Variants in CREB1 observed in about 807,000 individuals in gnomAD.
CREB1 encodes the protein cAMP responsive element binding protein 1.
In CREB1, 2 loss-of-function variants were observed where a neutral mutation model predicts 42.0. That is an observed-to-expected ratio of 0.05 (90% CI 0.02 to 0.15). The LOEUF is 0.15. Ranked by LOEUF, CREB1 falls within the 10% of genes least tolerant of loss-of-function variation. The pLI, the probability that CREB1 is intolerant of heterozygous loss-of-function variation, is 1.00. For synonymous variants in CREB1, 123 were observed against 139.9 expected, an observed-to-expected ratio of 0.88 and a Z score of 0.85; for missense variants, 199 against 388.9, an observed-to-expected ratio of 0.51 and a Z score of 4.11.
chr2:207,599,874 A>G lies in CREB1; in HGVS notation c.*2816A>G. On this transcript the variant is annotated 3_prime_UTR_variant, in exon 8 of 8. Coordinates refer to ENST00000353267, the MANE Select transcript of CREB1 (RefSeq NM_004379.5). Reference sequence around the variant, plus strand: ...CAAAAGGGAATAAAAATGTCATCATAGGAATTTGTACATATGCTACTGATT... The same window carrying G: ...CAAAAGGGAATAAAAATGTCATCATGGGAATTTGTACATATGCTACTGATT... 1 of 195,584 alleles carries G rather than the reference A, an allele frequency of 5.1e-6. No homozygotes were observed. The allele number at this position is 195,584 out of a possible 1,614,324, so 12.1% of individuals were successfully genotyped here. A position where few individuals can be genotyped will look rare whatever the true frequency, so the allele number is the denominator to read the frequency against.
At chr2:207,560,554 C>T (rs2081916730) in intron 3 of CREB1, among the ~76,000 whole-genome samples, 182 bp downstream of exon 3, 1 of 151,922 alleles carries the variant, frequency 6.6e-6, no homozygotes, top group Non-Finnish European at 1.5e-5. Context: ...GAAGAACAAA[C>T]ATAAAAGAAA....
At chr2:207,544,819 G>T (rs2081236635) in intron 1 of CREB1, among the ~76,000 whole-genome samples, 1 of 152,162 alleles carries the variant, frequency 6.6e-6, no homozygotes, top group Non-Finnish European at 1.5e-5. Flanking sequence ...AGAACATGCG[G>T]TATTTGGTTT....
intron 1 of CREB1, among the ~76,000 whole-genome samples, chr2:207,535,794 TTTTATTTA>T (rs4024317): frequency 2.1e-4 from 31 of 145,552 alleles, no homozygotes; most frequent in Non-Finnish European, 4.1e-4. Context: ...TACAATACTT[TTTTATTTA>T]TTTATTTATT....
At chr2:207,578,216 C>T (rs993501647) in intron 7 of CREB1, among the ~76,000 whole-genome samples, 5 of 152,056 alleles carry the variant, frequency 3.3e-5, no homozygotes, top group African/African-American at 1.2e-4. Context: ...AAAAATACTA[C>T]ATTCAAAATC....
intron 1 of CREB1, among the ~76,000 whole-genome samples, chr2:207,538,625 A>C (rs2080970004): frequency 1.3e-5 from 2 of 152,162 alleles, no homozygotes; most frequent in South Asian, 4.1e-4. Flanking sequence ...ATTGATGGTG[A>C]GTTTTTTCTG....
chr2:207,563,205 A>G (rs1385627272), intron 3 of CREB1, among the ~76,000 whole-genome samples: 1 of 152,182 alleles, frequency 6.6e-6, no homozygotes, highest in African/African-American at 2.4e-5. Flanking sequence ...ATATCAAGGA[A>G]TAACAGAAAG....
In CREB1 at chr2:207,604,928, C is replaced by CT. The variant is rs2087836410; in HGVS notation, c.*7875dup. Among the ~76,000 whole-genome samples the CT allele has an allele frequency of 6.6e-6, 1 of 152,138 alleles. No homozygotes were observed. The highest frequency in any genetic ancestry group is 2.4e-5 in the African/African-American group (1 of 41,422). The stretch of plus-strand genomic sequence containing the variant: ...TCATTCCTTTTTATAGCTAAGTATA[C>CT]TTTTTATAGTAAGTATGCCATTGTA... On this transcript the variant is annotated 3_prime_UTR_variant, in exon 8 of 8. Transcript: ENST00000353267.
chr2:207,604,614 CATAA>C lies in CREB1; in HGVS notation c.*7559_*7562del, dbSNP rs925616281. The stretch of plus-strand genomic sequence containing the variant: ...TTGTTTTTAATTAAGATGCAATTCA[CATAA>C]ATTAACTTTTTAAGTGAACAATTAA... On this transcript the variant is annotated 3_prime_UTR_variant, in exon 8 of 8. Transcript: ENST00000353267. Among the ~76,000 whole-genome samples the C allele has an allele frequency of 2.6e-5, 4 of 152,218 alleles. No homozygotes were observed. The highest frequency in any genetic ancestry group is 2.9e-5 in the Non-Finnish European group (2 of 68,034).
intron 1 of CREB1, among the ~76,000 whole-genome samples, chr2:207,543,425 AGGG>A (rs2081173958): frequency 6.6e-6 from 1 of 152,292 alleles, no homozygotes; most frequent in East Asian, 1.9e-4. Flanking sequence ...TTACCTATGA[AGGG>A]GGAGTGAGTA....
At chr2:207,579,639 T>A (rs1486380841) in intron 7 of CREB1, among the ~76,000 whole-genome samples, 1 of 152,212 alleles carries the variant, frequency 6.6e-6, no homozygotes, top group Non-Finnish European at 1.5e-5. Context: ...GACTCTTTCA[T>A]AACATTACTT....
chr2:207,594,528 T>C (rs2085738070), intron 7 of CREB1, among the ~76,000 whole-genome samples: 1 of 152,198 alleles, frequency 6.6e-6, no homozygotes, highest in Admixed American at 6.5e-5. Flanking sequence ...AAGGTTCATC[T>C]ACGTTTTGGC....
chr2:207,581,595 AT>A lies in CREB1; in HGVS notation c.839+3941del, dbSNP rs1007242090. The A allele has an allele frequency of 2.7e-4, 86 of 321,580 alleles. 2 individuals are homozygous for A. Among genetic ancestry groups the A allele is most frequent in the Admixed American group, 3.7e-4 (8 of 21,482 alleles). The allele number at this position is 321,580 out of a possible 1,614,324, so 19.9% of individuals were successfully genotyped here. A position where few individuals can be genotyped will look rare whatever the true frequency, so the allele number is the denominator to read the frequency against. ...TACTCAAACCAGTACAAAGGTAAAT[AT>A]ACATTTTTAATATATTTTTAAGTAA... On this transcript the variant is annotated intron_variant, in intron 7 of 7. Coordinates refer to ENST00000353267, the MANE Select transcript of CREB1 (RefSeq NM_004379.5).
intron 5 of CREB1, among the ~76,000 whole-genome samples, chr2:207,573,826 C>G (rs920028465): frequency 1.3e-5 from 2 of 152,162 alleles, no homozygotes; most frequent in African/African-American, 4.8e-5. Context: ...CTTTCTTCTT[C>G]CCACCTTGAA....
intron 3 of CREB1, among the ~76,000 whole-genome samples, chr2:207,565,738 A>G (rs570774047): frequency 6.6e-6 from 1 of 152,318 alleles, no homozygotes; most frequent in African/African-American, 2.4e-5. Context: ...AAAGAGCCAC[A>G]GAGGAGCTAA....
At chr2:207,556,060 C>CT (rs2081706998) in intron 2 of CREB1, among the ~76,000 whole-genome samples, 1 of 151,930 alleles carries the variant, frequency 6.6e-6, no homozygotes, top group Admixed American at 6.6e-5. Context: ...ATGACAACTG[C>CT]TTTTTTTATT....
intron 1 of CREB1, among the ~76,000 whole-genome samples, chr2:207,550,019 G>A (rs1468291815): frequency 6.6e-6 from 1 of 151,712 alleles, no homozygotes; most frequent in African/African-American, 2.4e-5. Flanking sequence ...CTTTCAAACA[G>A]TTACCCTAAA....
At chr2:207,588,151 A>T (rs1035234826) in intron 7 of CREB1, among the ~76,000 whole-genome samples, 1 of 152,034 alleles carries the variant, frequency 6.6e-6, no homozygotes, top group African/African-American at 2.4e-5. Flanking sequence ...TTTTCCTCTA[A>T]AAGTGTTATG....
At chr2:207,551,826 G>C (rs1289622290) in intron 1 of CREB1, among the ~76,000 whole-genome samples, 1 of 151,898 alleles carries the variant, frequency 6.6e-6, no homozygotes, top group Admixed American at 6.6e-5. Flanking sequence ...GGCGGATCAG[G>C]AGGTCAGGAG....
In CREB1 at chr2:207,531,725, C is replaced by G. The variant is rs565447632; in HGVS notation, c.-9+1591C>G. On this transcript the variant is annotated intron_variant, in intron 1 of 7. Coordinates refer to ENST00000353267, the MANE Select transcript of CREB1 (RefSeq NM_004379.5). ...ACAAGTTTGTTTTAAAAATACTTGT[C>G]TGTCACTGTATGATTGCATTGTGAT... 2.0e-5 allele frequency among the ~76,000 whole-genome samples: 3 copies of G among 152,320 alleles called. No individual in the cohort carries two copies. The South Asian group carries it at 6.2e-4, about 32-fold the overall frequency.
Sources: allele counts gnomAD v4.1 joint callset (sites outside exome capture counted in the v4.1 genomes callset), GRCh38; gene constraint gnomAD v4.1.1; transcripts MANE v1.5; gene names NCBI Gene and HGNC (gene_info 2026-07-23, HGNC 2026-07-21).